The following PIK3CB variants were observed in gnomAD, a reference collection of about 807,000 sequenced individuals.
PIK3CB encodes the protein phosphatidylinositol 4,5-bisphosphate 3-kinase catalytic subunit beta isoform.
In PIK3CB, 39 loss-of-function variants were observed where a neutral mutation model predicts 136.8. The observed-to-expected ratio is 0.29, with a 90% confidence interval of 0.22 to 0.37. The LOEUF (loss-of-function observed/expected upper bound fraction) is 0.37. Among genes scored for constraint, PIK3CB ranks in the 10% least tolerant of loss-of-function variants. PIK3CB has a pLI of 1.00. For synonymous variants in PIK3CB, 428 were observed against 436.6 expected, an observed-to-expected ratio of 0.98 and a Z score of 0.25; for missense variants, 868 against 1,275.4, an observed-to-expected ratio of 0.68 and a Z score of 4.87.
intron 13 of PIK3CB, among the ~76,000 whole-genome samples, chr3:138,698,183 T>A (rs551669736): frequency 2.0e-5 from 3 of 152,246 alleles, no homozygotes; most frequent in Non-Finnish European, 1.5e-5. Flanking sequence ...ACTATAGATT[T>A]ACTAAGACTA....
Position 138,818,447 on chromosome 3 carries a change from G to A in PIK3CB, c.-122+16248C>T, listed in dbSNP as rs911387170. ...CTTTTTCTTATTTGTAAAACAAGAT[G>A]GTTTAACTATATGCTCTTTAATGTC... On this transcript the variant is annotated intron_variant, in intron 1 of 23. Coordinates refer to ENST00000674063, the MANE Select transcript of PIK3CB (RefSeq NM_006219.3). Among the ~76,000 whole-genome samples, 3 of 152,108 alleles carry A rather than the reference G, an allele frequency of 2.0e-5. No individual in the cohort carries two copies. The South Asian group carries it at 6.2e-4, about 32-fold the overall frequency.
At chr3:138,727,128 G>C (rs1252166556) in intron 8 of PIK3CB, among the ~76,000 whole-genome samples, 1 of 152,122 alleles carries the variant, frequency 6.6e-6, no homozygotes, top group Non-Finnish European at 1.5e-5. Context: ...AGAATTCCAA[G>C]CACTCCCACA....
At chr3:138,827,144 C>T (rs1401126989) in intron 1 of PIK3CB, among the ~76,000 whole-genome samples, 1 of 152,174 alleles carries the variant, frequency 6.6e-6, no homozygotes, top group Non-Finnish European at 1.5e-5. Flanking sequence ...CAAACTACCA[C>T]ATCCTAAAAC....
intron 13 of PIK3CB, among the ~76,000 whole-genome samples, chr3:138,696,616 A>AATCAAAATCTCATGGGTT (rs1452323060): frequency 2.0e-5 from 3 of 152,186 alleles, no homozygotes; most frequent in Non-Finnish European, 4.4e-5. Flanking sequence ...GTATCTACGG[A>AATCAAAATCTCATGGGTT]ATCAAAATCT....
chr3:138,658,658 T>C (rs2043233266), intron 21 of PIK3CB, among the ~76,000 whole-genome samples: 1 of 152,250 alleles, frequency 6.6e-6, no homozygotes, highest in African/African-American at 2.4e-5. Flanking sequence ...TTTAGTACTT[T>C]TATGCTAACA....
At chr3:138,810,089 C>T (rs561108399) in intron 1 of PIK3CB, among the ~76,000 whole-genome samples, 14 of 152,198 alleles carry the variant, frequency 9.2e-5, no homozygotes, top group Admixed American at 4.6e-4. Context: ...TGAAAGAGCT[C>T]CCAATGGCCA....
intron 19 of PIK3CB, among the ~76,000 whole-genome samples, chr3:138,668,366 T>C (rs2043458098): frequency 6.6e-6 from 1 of 152,064 alleles, no homozygotes; most frequent in African/African-American, 2.4e-5. Flanking sequence ...GCCTTGAGGG[T>C]AGAATGTTCA....
chr3:138,830,552 CAAACA>C (rs1163139134), intron 1 of PIK3CB, among the ~76,000 whole-genome samples: 2 of 151,718 alleles, frequency 1.3e-5, no homozygotes, highest in Non-Finnish European at 2.9e-5. Flanking sequence ...GACTCCGTCT[CAAACA>C]AAACAAAACA....
At chr3:138,659,093 T>C (rs1050513843) in intron 21 of PIK3CB, among the ~76,000 whole-genome samples, 3 of 152,230 alleles carry the variant, frequency 2.0e-5, no homozygotes, top group Non-Finnish European at 4.4e-5. Flanking sequence ...TATAATTCTT[T>C]GATATGGGGT....
At chr3:138,739,203 T>C (rs1341982172) in intron 5 of PIK3CB, among the ~76,000 whole-genome samples, 1 of 152,102 alleles carries the variant, frequency 6.6e-6, no homozygotes, top group Non-Finnish European at 1.5e-5. Flanking sequence ...CCCAGCACTT[T>C]GGGAGGCCGA....
chr3:138,685,805 T>A (rs2043878748), intron 16 of PIK3CB, among the ~76,000 whole-genome samples: 1 of 152,094 alleles, frequency 6.6e-6, no homozygotes, highest in Admixed American at 6.5e-5. Flanking sequence ...ACAAGGTGTA[T>A]CAACAATGGC....
rs991204549 is a variant in PIK3CB at position 138,761,501 on chromosome 3, G to A, written c.-16-2142C>T. Among the ~76,000 whole-genome samples the A allele has an allele frequency of 5.2e-5, 8 of 152,388 alleles. 1 individual carries two copies. Among genetic ancestry groups the A allele is most frequent in the Admixed American group, 4.6e-4 (7 of 15,310 alleles). On this transcript the variant is annotated intron_variant, in intron 2 of 23. Transcript: ENST00000674063. ...TAAAAAACTATCTTAGCCAGGCACT[G>A]TGGCCCATGCCTGTAATCTCAGCAC...
chr3:138,756,729 A>G (rs2045575574), intron 3 of PIK3CB, among the ~76,000 whole-genome samples: 1 of 152,230 alleles, frequency 6.6e-6, no homozygotes, highest in South Asian at 2.1e-4. Context: ...TCAGTTACAT[A>G]AAACATACAG....
At chr3:138,769,218 A>G (rs1282334762) in intron 2 of PIK3CB, among the ~76,000 whole-genome samples, 2 of 152,216 alleles carry the variant, frequency 1.3e-5, no homozygotes, top group East Asian at 3.9e-4. Context: ...TAGACGGTCC[A>G]CCGCTGCCAT....
intron 10 of PIK3CB, among the ~76,000 whole-genome samples, chr3:138,709,824 A>AG (rs2044458037): frequency 6.6e-6 from 1 of 152,136 alleles, no homozygotes; most frequent in African/African-American, 2.4e-5. Flanking sequence ...TTCTCAAGAA[A>AG]GTACAGTATT....
chr3:138,660,810 C>T (rs1431695379), intron 21 of PIK3CB, among the ~76,000 whole-genome samples: 2 of 152,220 alleles, frequency 1.3e-5, no homozygotes, highest in Non-Finnish European at 2.9e-5. Flanking sequence ...ACATGATAAA[C>T]ATATTCAATT....
At chr3:138,725,589 T>C (rs2044820378) in intron 8 of PIK3CB, among the ~76,000 whole-genome samples, 1 of 152,254 alleles carries the variant, frequency 6.6e-6, no homozygotes, top group Non-Finnish European at 1.5e-5. Flanking sequence ...TTAAGTTCAC[T>C]GATCCTTTCC....
In PIK3CB at chr3:138,654,482, G is replaced by A. The variant is rs539551003; in HGVS notation, c.*907C>T. ...AGATCTGGAGTTTATTCCATAAATAGGTTTCTTTTCATTTGCTTGCTTTCT... is the reference window on the plus strand; with the variant it reads ...AGATCTGGAGTTTATTCCATAAATAAGTTTCTTTTCATTTGCTTGCTTTCT... On this transcript the variant is annotated 3_prime_UTR_variant, in exon 24 of 24. Coordinates refer to ENST00000674063, the MANE Select transcript of PIK3CB (RefSeq NM_006219.3). 4.4e-6 allele frequency: 1 copy of A among 227,586 alleles called. No homozygotes were observed. Among genetic ancestry groups the A allele is most frequent in the Admixed American group, 5.7e-5 (1 of 17,580 alleles). The allele number at this position is 227,586 out of a possible 1,614,324, so 14.1% of individuals were successfully genotyped here.
chr3:138,677,879 G>C (rs2043682292), intron 19 of PIK3CB, among the ~76,000 whole-genome samples: 1 of 152,152 alleles, frequency 6.6e-6, no homozygotes, highest in Non-Finnish European at 1.5e-5. Flanking sequence ...TGGGCAACAA[G>C]AGGGAAACTC....
Sources: gnomAD v4.1 joint callset for allele counts (sites outside exome capture counted in the v4.1 genomes callset) on GRCh38, gnomAD v4.1.1 for gene constraint, MANE v1.5 for transcripts, NCBI Gene and HGNC (gene_info 2026-07-23, HGNC 2026-07-21) for gene names.